The following DLG4 variants were observed in gnomAD, a reference collection of about 807,000 sequenced individuals.
DLG4 encodes disks large homolog 4.
DLG4 carries 7 observed loss-of-function variants against 93.8 expected under a neutral mutation model. That is an observed-to-expected ratio of 0.07 (90% CI 0.04 to 0.14). The LOEUF (loss-of-function observed/expected upper bound fraction) is 0.14, where lower values mean the gene tolerates loss of function less well. Among genes scored for constraint, DLG4 ranks in the 10% least tolerant of loss-of-function variants. The probability of loss-of-function intolerance (pLI) is 1.00; values close to 1 mark genes in which losing one functional copy is unlikely to be tolerated. For synonymous variants in DLG4, 341 were observed against 387.6 expected (o/e 0.88, Z 1.41); for missense variants, 545 against 992.9 (o/e 0.55, Z 6.06).
At chr17:7,214,748 AG>A (rs1334074114) in intron 1 of DLG4, among the ~76,000 whole-genome samples, 1 of 152,188 alleles carries the variant, frequency 6.6e-6, no homozygotes, top group African/African-American at 2.4e-5. Flanking sequence ...GCGCGGGGAA[AG>A]GGGGAGGGAC....
Position 7,201,055 on chromosome 17 carries a change from C to A in DLG4, c.787+1848G>T, listed in dbSNP as rs548842900. ...TTTTTTGTATTTTTAGTAGAGACAG[C>A]GTTTCTCCATGTTGGCCAGGCTGTT... On this transcript the variant is annotated intron_variant, in intron 8 of 19. Transcript: ENST00000399506. 6.6e-5 allele frequency among the ~76,000 whole-genome samples: 10 copies of A among 151,350 alleles called. No homozygotes were observed. In the South Asian group the frequency reaches 2.1e-3, roughly 32 times the overall value.
Position 7,204,052 on chromosome 17 carries a change from C to T in DLG4, c.166G>A (p.Gly56Arg). 3 of 1,609,450 alleles carry T rather than the reference C, an allele frequency of 1.9e-6. No individual in the cohort carries two copies. The highest frequency in any genetic ancestry group is 2.5e-6 in the Non-Finnish European group (3 of 1,177,906). Residue 56 changes from glycine to arginine, a missense_variant, in exon 4 of 20, where the codon GGG becomes AGG. By Grantham distance (125) the Gly-to-Arg change is moderately radical (BLOSUM62 -2). This residue lies in a region of DLG4 where 49 missense variants were observed against 80.4 expected (regional missense o/e 0.61). Transcript: ENST00000399506. ...TCGTATTCCATCTCCCCCTCGGTCC[C>T]GTTCACCTGCAACTCCAGCACGGGA... ...EAPGYELQVN[G>R]TEGEMEYEEI...
intron 17 of DLG4, chr17:7,192,314 TG>T (rs976222867): frequency 1.3e-4 from 45 of 344,612 alleles, no homozygotes; most frequent in Admixed American, 9.0e-4. Context: ...CAGCAGCGAG[TG>T]GGGCGGGGTG....
At chr17:7,207,813 C>T (rs778828134) in intron 2 of DLG4, among the ~76,000 whole-genome samples, 1 of 151,924 alleles carries the variant, frequency 6.6e-6, no homozygotes, top group East Asian at 1.9e-4. Flanking sequence ...CGCACAGGCA[C>T]GCGCGCACAC....
chr17:7,187,307 A>AGG lies in DLG4; in HGVS notation c.*3399_*3400dup, dbSNP rs755045165. Among the ~76,000 whole-genome samples the AGG allele has an allele frequency of 2.8e-3, 126 of 45,410 alleles. 2 individuals are homozygous for AGG. The highest frequency in any genetic ancestry group is 9.6e-3 in the East Asian group (20 of 2,082). 29.8% of individuals were successfully genotyped at this position (45,410 alleles called of 152,430 possible). A position where few individuals can be genotyped will look rare whatever the true frequency, so the allele number is the denominator to read the frequency against. ...GTAATCCTAGCACTTTGGGAGGCCG[A>AGG]GGGGGGGGGGGGTGGATCACCCGAG... On this transcript the variant is annotated 3_prime_UTR_variant, in exon 20 of 20. Transcript: ENST00000399506.
rs189236687 is a variant in DLG4, at chr17:7,199,809, T to A, written c.788-2757A>T. Among the ~76,000 whole-genome samples the A allele has an allele frequency of 1.1e-4, 16 of 151,766 alleles. 1 individual carries two copies. The highest frequency in any genetic ancestry group is 3.6e-4 in the African/African-American group (15 of 41,450). On this transcript the variant is annotated intron_variant, in intron 8 of 19. Transcript: ENST00000399506. ...CTGGCTATCACGGTGAAACCCCATC[T>A]CTACTAAAATATACAAAAAAATTAG...
chr17:7,220,012 T>C (rs1265116066), upstream of DLG4: 2 of 1,604,882 alleles, frequency 1.2e-6, no homozygotes, highest in Non-Finnish European at 1.7e-6. Context: ...GGCCGCGAGC[T>C]TGGGGCGGCA....
chr17:7,193,776 C>G lies in DLG4; in HGVS notation c.1544-62G>C. The G allele has an allele frequency of 6.2e-7, 1 of 1,611,194 alleles. No individual in the cohort carries two copies. On this transcript the variant is annotated intron_variant, in intron 14 of 19. Transcript: ENST00000399506. The surrounding 1 kb of genome is among the most constrained non-coding windows in gnomAD (Gnocchi z 6.7). ...ACAGGGGACCTGGAGCCCTGTCTCC[C>G]CCTTGAGGATATCAAAAGCAACTCA...
chr17:7,205,230 T>TC, intron 2 of DLG4: 1 of 923,458 alleles, frequency 1.1e-6, no homozygotes, highest in Non-Finnish European at 1.3e-6. Context: ...GCTCATCTAC[T>TC]CCCTCCCCCC....
Position 7,189,245 on chromosome 17 carries a change from AC to A in DLG4, c.*1462del, listed in dbSNP as rs1285554881. 6.6e-6 allele frequency among the ~76,000 whole-genome samples: 1 copy of A among 151,574 alleles called. No individual in the cohort carries two copies. The highest frequency in any genetic ancestry group is 1.5e-5 in the Non-Finnish European group (1 of 67,902). ...GGTGGCTCACGCCTGTAATCCCAGC[AC>A]TTTGGGAGGCTGAGGCGGGTGGATA... On this transcript the variant is annotated 3_prime_UTR_variant, in exon 20 of 20. Transcript: ENST00000399506.
At chr17:7,207,893 G>A (rs1338092109) in intron 2 of DLG4, among the ~76,000 whole-genome samples, 1 of 152,042 alleles carries the variant, frequency 6.6e-6, no homozygotes, top group African/African-American at 2.4e-5. Flanking sequence ...TGGGACCAAG[G>A]TGTTTCCAGC....
upstream of DLG4, chr17:7,217,751 GCA>G (rs1567555682): frequency 6.5e-7 from 1 of 1,535,350 alleles, no homozygotes; most frequent in East Asian, 2.4e-5. Flanking sequence ...AGAAGCAGAA[GCA>G]CAGAGGCCCC....
chr17:7,200,766 G>A (rs1038192217), intron 8 of DLG4, among the ~76,000 whole-genome samples: 3 of 151,178 alleles, frequency 2.0e-5, no homozygotes, highest in African/African-American at 2.4e-5. Context: ...GGCTGGTCTC[G>A]AACTCCCAAC....
At position 7,195,415 on chromosome 17, in the gene DLG4, G is replaced by A. The variant is rs1261636248; in HGVS notation, c.1301+805C>T. ...GAAGGGCAGAGCAAGGGCTCAGGTGGGAGCCAGTGTCTGGGTGGCTGGTGA... is the reference window on the plus strand; with the variant it reads ...GAAGGGCAGAGCAAGGGCTCAGGTGAGAGCCAGTGTCTGGGTGGCTGGTGA... On this transcript the variant is annotated intron_variant, in intron 11 of 19. Transcript: ENST00000399506. This position sits in a 1 kb window ranked among gnomAD's most constrained non-coding sequence, Gnocchi z 4.3. Among the ~76,000 whole-genome samples the A allele has an allele frequency of 6.6e-6, 1 of 152,190 alleles. No individual in the cohort carries two copies. The highest frequency in any genetic ancestry group is 1.5e-5 in the Non-Finnish European group (1 of 68,034).
In DLG4 at chr17:7,189,048, G is replaced by T. The variant is rs1316965404; in HGVS notation, c.*1660C>A. ...AACCGTGTGAACCCAGCAGGCAGAG[G>T]TTGCAGTGAGCCAAGATCGCACCAC... is the stretch of plus-strand genomic sequence containing the variant. On this transcript the variant is annotated 3_prime_UTR_variant, in exon 20 of 20. Transcript: ENST00000399506. 6.8e-6 allele frequency among the ~76,000 whole-genome samples: 1 copy of T among 146,986 alleles called. No homozygotes were observed.
In DLG4 at chr17:7,190,703, A is replaced by G. The variant is rs773933917; in HGVS notation, c.*5T>C. 2 of 1,612,360 alleles carry G rather than the reference A, an allele frequency of 1.2e-6. No individual in the cohort carries two copies. Among genetic ancestry groups the G allele is most frequent in the Non-Finnish European group, 1.7e-6 (2 of 1,178,422 alleles). Reference sequence around the variant, plus strand: ...GGGCGAGTCCAGGCCAAGCCAGGGCAGGAATCAGAGTCTCTCTCGGGCTGG... The same window carrying G: ...GGGCGAGTCCAGGCCAAGCCAGGGCGGGAATCAGAGTCTCTCTCGGGCTGG... On this transcript the variant is annotated 3_prime_UTR_variant, in exon 20 of 20. Coordinates refer to ENST00000399506, the MANE Select transcript of DLG4 (RefSeq NM_001321075.3).
At position 7,193,830 on chromosome 17, in the gene DLG4, C is replaced by T; in HGVS notation, c.1543+14G>A. 1 of 1,613,076 alleles carries T rather than the reference C, an allele frequency of 6.2e-7. No homozygotes were observed. The highest frequency in any genetic ancestry group is 8.5e-7 in the Non-Finnish European group (1 of 1,179,536). On this transcript the variant is annotated intron_variant, in intron 14 of 19. Transcript: ENST00000399506. This position sits in a 1 kb window ranked among gnomAD's most constrained non-coding sequence, Gnocchi z 6.7. ...CTCCTCTCACCCACATCTTCCCGAA[C>T]TAACCCTACCTACCCTGCGATCCAG...
intron 2 of DLG4, among the ~76,000 whole-genome samples, chr17:7,207,656 G>A (rs2070529168): frequency 6.6e-6 from 1 of 151,840 alleles, no homozygotes; most frequent in Non-Finnish European, 1.5e-5. Context: ...CCAGGCGTGG[G>A]GGCCTCTTGG....
At position 7,208,159 on chromosome 17, in the gene DLG4, C is replaced by A. The variant is rs745338495; in HGVS notation, c.96+15G>T. Reference sequence around the variant, plus strand: ...AGTTCCTCTCCGCCACGTGCACCAGCTCGGGGGCGTTTACCTGGTTGGGGA... The same window carrying A: ...AGTTCCTCTCCGCCACGTGCACCAGATCGGGGGCGTTTACCTGGTTGGGGA... On this transcript the variant is annotated intron_variant, in intron 2 of 19. Transcript: ENST00000399506. The surrounding 1 kb of genome is among the most constrained non-coding windows in gnomAD (Gnocchi z 5.4). 5 of 1,317,676 alleles carry A rather than the reference C, an allele frequency of 3.8e-6. No individual in the cohort carries two copies. Among genetic ancestry groups the A allele is most frequent in the East Asian group, 2.8e-5 (1 of 35,692 alleles). The allele number at this position is 1,317,676 out of a possible 1,614,324, so 81.6% of individuals were successfully genotyped here. A position where few individuals can be genotyped will look rare whatever the true frequency, so the allele number is the denominator to read the frequency against.
Sources: allele counts gnomAD v4.1 joint callset (sites outside exome capture counted in the v4.1 genomes callset), GRCh38; gene constraint gnomAD v4.1.1; regional missense constraint gnomAD v4.1.1; non-coding constraint Gnocchi (gnomAD v3.1); transcripts MANE v1.5; gene names NCBI Gene and HGNC (gene_info 2026-07-23, HGNC 2026-07-21).